Variants in CNTNAP2 observed in about 807,000 individuals in gnomAD.
CNTNAP2 encodes contactin-associated protein-like 2.
Under a neutral mutation model 155.2 loss-of-function variants are expected in CNTNAP2, and 98 were observed. That is an observed-to-expected ratio of 0.63 (90% confidence interval 0.54 to 0.75). CNTNAP2 has a LOEUF of 0.75. CNTNAP2 is among the 30% of genes least tolerant of loss of function. The pLI, the probability that CNTNAP2 is intolerant of heterozygous loss-of-function variation, is 0.00. For synonymous variants in CNTNAP2, 651 were observed against 631.2 expected (o/e 1.03, Z -0.47); for missense variants, 1,727 against 1,688.1 (o/e 1.02, Z -0.40).
chr7:148,236,157 A>G (rs1286122001), intron 20 of CNTNAP2, among the ~76,000 whole-genome samples: 1 of 152,110 alleles, frequency 6.6e-6, no homozygotes, highest in South Asian at 2.1e-4. Context: ...TGTGCTGGTA[A>G]ATGCACCCTA....
intron 1 of CNTNAP2, among the ~76,000 whole-genome samples, chr7:146,178,234 C>T (rs1446320761): frequency 3.3e-5 from 5 of 152,048 alleles, no homozygotes; most frequent in Admixed American, 2.0e-4. Context: ...GGAGTTTCAC[C>T]GTGTTAGCCA....
chr7:147,938,235 T>TA (rs1164131728), intron 14 of CNTNAP2, among the ~76,000 whole-genome samples: 5 of 152,152 alleles, frequency 3.3e-5, no homozygotes, highest in African/African-American at 1.2e-4. Flanking sequence ...TCAGCACTCG[T>TA]AAAAATATGC....
chr7:147,549,020 G>A (rs1418355401), intron 11 of CNTNAP2, among the ~76,000 whole-genome samples: 3 of 152,174 alleles, frequency 2.0e-5, no homozygotes, highest in African/African-American at 4.8e-5. Flanking sequence ...TTGTAGTATA[G>A]TTTGAAGTCA....
Position 146,799,077 on chromosome 7 carries a change from A to C in CNTNAP2, c.208+24696A>C, listed in dbSNP as rs1024657275. On this transcript the variant is annotated intron_variant, in intron 2 of 23. Transcript: ENST00000361727. ...CACATCACTTGAATTGATGTATTGG[A>C]AATGTGATAAACATTGTGTCCAGAC... Among the ~76,000 whole-genome samples, 2 of 152,204 alleles carry C rather than the reference A, an allele frequency of 1.3e-5. 1 individual carries two copies. The highest frequency in any genetic ancestry group is 2.9e-5 in the Non-Finnish European group (2 of 68,030).
intron 8 of CNTNAP2, among the ~76,000 whole-genome samples, chr7:147,154,691 G>C (rs1026095451): frequency 1.1e-4 from 17 of 152,080 alleles, no homozygotes; most frequent in African/African-American, 3.9e-4. Context: ...GGAGAGTTCT[G>C]TTTTAAACTG....
At chr7:146,821,397 A>C (rs539980963) in intron 2 of CNTNAP2, among the ~76,000 whole-genome samples, 37 of 152,170 alleles carry the variant, frequency 2.4e-4, no homozygotes, top group South Asian at 1.7e-3. Context: ...TTGTCTGTAA[A>C]GTATTTTATT....
chr7:146,586,631 G>A (rs1798696420), intron 1 of CNTNAP2, among the ~76,000 whole-genome samples: 1 of 151,942 alleles, frequency 6.6e-6, no homozygotes, highest in Admixed American at 6.6e-5. Context: ...ACATAAACAT[G>A]CACACATATG....
chr7:148,245,033 T>C (rs1268200936), intron 20 of CNTNAP2, among the ~76,000 whole-genome samples: 1 of 152,214 alleles, frequency 6.6e-6, no homozygotes, highest in Non-Finnish European at 1.5e-5. Flanking sequence ...GTACCTTTTG[T>C]ATTTATATTT....
Position 146,384,760 on chromosome 7 carries a change from G to A in CNTNAP2, c.97+267787G>A, listed in dbSNP as rs747316138. Among the ~76,000 whole-genome samples the A allele has an allele frequency of 5.9e-4, 90 of 152,084 alleles. 5 individuals carry two copies. Among genetic ancestry groups the A allele is most frequent in the Non-Finnish European group, 2.9e-4 (20 of 68,000 alleles). On this transcript the variant is annotated intron_variant, in intron 1 of 23. Transcript: ENST00000361727. ...CTCCTCAGTGAAGAAACAGAATTGG[G>A]TTTAAAGTTGGGACTATGCCTTTTG...
chr7:147,324,518 C>A (rs1795414838), intron 9 of CNTNAP2, among the ~76,000 whole-genome samples: 1 of 149,926 alleles, frequency 6.7e-6, no homozygotes, highest in Non-Finnish European at 1.5e-5. Context: ...AAGGTGTGTT[C>A]TTTCCCTAGA....
At chr7:146,985,607 A>G (rs1421005847) in intron 3 of CNTNAP2, among the ~76,000 whole-genome samples, 1 of 152,192 alleles carries the variant, frequency 6.6e-6, no homozygotes, top group Non-Finnish European at 1.5e-5. Context: ...GGCGTAAGCC[A>G]CTGAATTTTT....
In CNTNAP2 at chr7:146,773,482, G is replaced by A. The variant is rs540257919; in HGVS notation, c.98-789G>A. On this transcript the variant is annotated intron_variant, in intron 1 of 23. Coordinates refer to ENST00000361727, the MANE Select transcript of CNTNAP2 (RefSeq NM_014141.6). ...ACGATCTTGGCTCACCGCAACCTCT[G>A]CCTGCCAGGTTCAAGCAATTCTCCT... Among the ~76,000 whole-genome samples, 48 of 152,276 alleles carry A rather than the reference G, an allele frequency of 3.2e-4. No homozygotes were observed. In the South Asian group the frequency reaches 4.4e-3, roughly 14 times the overall value.
chr7:147,508,751 T>C (rs1798960979), intron 11 of CNTNAP2, among the ~76,000 whole-genome samples: 1 of 152,156 alleles, frequency 6.6e-6, no homozygotes, highest in Non-Finnish European at 1.5e-5. Context: ...CTGATGATTT[T>C]TTAAAGGGCA....
chr7:147,228,259 A>C (rs1803593645), intron 8 of CNTNAP2, among the ~76,000 whole-genome samples: 1 of 152,208 alleles, frequency 6.6e-6, no homozygotes, highest in Non-Finnish European at 1.5e-5. Flanking sequence ...GGGATCAGAA[A>C]AATTGGGTAA....
At chr7:148,368,778 G>T (rs959414248) in intron 21 of CNTNAP2, among the ~76,000 whole-genome samples, 2 of 152,182 alleles carry the variant, frequency 1.3e-5, no homozygotes, top group African/African-American at 4.8e-5. Context: ...CAAGCAGGGG[G>T]TATGTGACAG....
intron 8 of CNTNAP2, among the ~76,000 whole-genome samples, chr7:147,217,599 T>C (rs539129153): frequency 6.6e-6 from 1 of 151,994 alleles, no homozygotes; most frequent in Non-Finnish European, 1.5e-5. Flanking sequence ...TAGGAGGTAT[T>C]GGTCATAGTT....
chr7:146,641,388 A>AATCAAAT lies in CNTNAP2; in HGVS notation c.98-132881_98-132875dup, dbSNP rs571149063. Reference sequence around the variant, plus strand: ...AGACGAACTTCTTCCAGAAGCAGAAAATCAAATACTTGGGCAGGTTTCTAA... The same window carrying AATCAAAT: ...AGACGAACTTCTTCCAGAAGCAGAAAATCAAATATCAAATACTTGGGCAGGTTTCTAA... On this transcript the variant is annotated intron_variant, in intron 1 of 23. Transcript: ENST00000361727. 2.4e-3 allele frequency among the ~76,000 whole-genome samples: 361 copies of AATCAAAT among 152,320 alleles called. 1 individual carries two copies. Among genetic ancestry groups the AATCAAAT allele is most frequent in the African/African-American group, 8.1e-3 (337 of 41,592 alleles).
intron 13 of CNTNAP2, among the ~76,000 whole-genome samples, chr7:147,802,647 G>A (rs13308481): frequency 0.093 from 14,092 of 151,848 alleles, 733 homozygotes; most frequent in East Asian, 0.2. Flanking sequence ...GTGGCGGCGC[G>A]CACCTGCAAT....
intron 13 of CNTNAP2, among the ~76,000 whole-genome samples, chr7:147,653,084 C>T (rs1795472688): frequency 6.6e-6 from 1 of 151,964 alleles, no homozygotes; most frequent in African/African-American, 2.4e-5. Context: ...AAAAAACATG[C>T]CTCTCTCTAC....
Sources: allele counts gnomAD v4.1 joint callset (sites outside exome capture counted in the v4.1 genomes callset), GRCh38; gene constraint gnomAD v4.1.1; transcripts MANE v1.5; gene names NCBI Gene and HGNC (gene_info 2026-07-23, HGNC 2026-07-21).